The following MECR variants were observed in gnomAD, a reference collection of about 807,000 sequenced individuals.
The protein encoded by MECR is enoyl-[acyl-carrier-protein] reductase, mitochondrial.
A neutral mutation model predicts 49.1 loss-of-function variants in MECR; 37 were observed. The ratio of observed to expected loss-of-function variants is 0.75; its 90% CI spans 0.58 to 0.99. MECR has a LOEUF of 0.99. Among genes scored for constraint, MECR ranks in the 50% least tolerant of loss-of-function variants. The pLI is 0.00. For missense variants in MECR, 470 were observed against 479.6 expected (o/e 0.98, Z 0.19); for synonymous variants, 198 against 191.1 (o/e 1.04, Z -0.30).
rs116252631 is a variant in MECR at position 29,225,367 on chromosome 1, G to A, written c.176+5364C>T. On this transcript the variant is annotated intron_variant, in intron 1 of 9. Transcript: ENST00000263702. ...TTTCTCTCCTCATACACTGCTCACC[G>A]GATCTCTGGAGCACTCAGTTTACAC... Among the ~76,000 whole-genome samples, 977 of 152,060 alleles carry A rather than the reference G, an allele frequency of 6.4e-3. 5 individuals are homozygous for A. Among genetic ancestry groups the A allele is most frequent in the African/African-American group, 0.022 (918 of 41,480 alleles).
chr1:29,208,119 A>G (rs1482797770), intron 3 of MECR, among the ~76,000 whole-genome samples: 1 of 152,024 alleles, frequency 6.6e-6, no homozygotes, highest in East Asian at 1.9e-4. Context: ...CAGCCTCCCG[A>G]ATAGCTGGGA....
At chr1:29,171,773 T>C in the MECR span, 2 of 152,124 alleles carry the variant, frequency 1.3e-5, no homozygotes, top group Non-Finnish European at 2.9e-5. Context: ...TATTACCGAG[T>C]CTATATCCTG....
chr1:29,181,910 G>GCGCGCGCTTCCACTTCC, the MECR span: 1 of 491,000 alleles, frequency 2.0e-6, no homozygotes, highest in South Asian at 4.8e-5. Flanking sequence ...CAGCTCGCGA[G>GCGCGCGCTTCCACTTCC]CGCGCGCTTC....
At chr1:29,217,701 G>C (rs569404044) in intron 1 of MECR, among the ~76,000 whole-genome samples, 1 of 152,308 alleles carries the variant, frequency 6.6e-6, no homozygotes, top group African/African-American at 2.4e-5. Flanking sequence ...CTTACCAACC[G>C]GGGTATCTTG....
intron 4 of MECR, among the ~76,000 whole-genome samples, chr1:29,203,505 T>C (rs547013805): frequency 6.6e-6 from 1 of 152,366 alleles, no homozygotes; most frequent in East Asian, 1.9e-4. Context: ...ATGTAAAATA[T>C]TTTATAGCCT....
At chr1:29,203,328 C>CCCTTGCCT in intron 4 of MECR, 95 bp from the exon 5 acceptor site, 1 of 938,862 alleles carries the variant, frequency 1.1e-6, no homozygotes, top group Non-Finnish European at 1.6e-6. Flanking sequence ...GCAAGGGAGT[C>CCCTTGCCT]CTCAGGCTCA....
Position 29,230,805 on chromosome 1 carries a change from G to A in MECR, c.102C>T (p.Tyr34=). 1 of 1,607,720 alleles carries A rather than the reference G, an allele frequency of 6.2e-7. No homozygotes were observed. Among genetic ancestry groups the A allele is most frequent in the Non-Finnish European group, 8.5e-7 (1 of 1,177,964 alleles). ...CCCGGGCAGGCTCGGCGGATGCGGA[G>A]TAGGAGGAGGCGGCAGGTCCGTGAC... ...SGCHGPAASS[Y]SASAEPARVR... is the part of the protein sequence containing the mutation. Residue 34 remains tyrosine (Y), a synonymous_variant, in exon 1 of 10, where the codon TAC becomes TAT. Coordinates refer to ENST00000263702, the MANE Select transcript of MECR (RefSeq NM_016011.5).
chr1:29,219,237 A>T (rs756897748), intron 1 of MECR, among the ~76,000 whole-genome samples: 1 of 152,194 alleles, frequency 6.6e-6, no homozygotes, highest in Non-Finnish European at 1.5e-5. Context: ...GAGCAAATGG[A>T]TTTCGGACTA....
chr1:29,221,825 A>G (rs1680850678), intron 1 of MECR, among the ~76,000 whole-genome samples: 1 of 152,192 alleles, frequency 6.6e-6, no homozygotes, highest in South Asian at 2.1e-4. Flanking sequence ...TCACTGAACA[A>G]TGAAATGACA....
the MECR span, among the ~76,000 whole-genome samples, chr1:29,184,053 G>C: frequency 6.6e-6 from 1 of 150,764 alleles, no homozygotes; most frequent in Non-Finnish European, 1.5e-5. Flanking sequence ...TAATTTTTTT[G>C]TATTTTAGTA....
In MECR at chr1:29,193,266, T is replaced by G. The variant is rs2640464; in HGVS notation, c.*756A>C. On this transcript the variant is annotated 3_prime_UTR_variant, in exon 10 of 10. Coordinates refer to ENST00000263702, the MANE Select transcript of MECR (RefSeq NM_016011.5). Reference sequence around the variant, plus strand: ...GGCCTTGGGTAATTCTTTGTTGCAGTAGACTGTTCTGTGTCCTGTGGTGGG... The same window carrying G: ...GGCCTTGGGTAATTCTTTGTTGCAGGAGACTGTTCTGTGTCCTGTGGTGGG... The G allele has an allele frequency of 0.83, 154,085 of 186,268 alleles. 64,393 individuals are homozygous for G. Among genetic ancestry groups the G allele is most frequent in the Middle Eastern group, 0.89 (284 of 318 alleles). The allele number at this position is 186,268 out of a possible 1,614,324, so 11.5% of individuals were successfully genotyped here.
chr1:29,216,534 G>A (rs1679448812), intron 2 of MECR, 54 bp downstream of exon 2: 2 of 1,532,144 alleles, frequency 1.3e-6, no homozygotes, highest in South Asian at 1.1e-5. Context: ...ATGAAAATGA[G>A]GTGGCAGCTG....
At chr1:29,189,398 G>C (rs932245844), downstream of MECR, among the ~76,000 whole-genome samples, 6 of 150,062 alleles carry the variant, frequency 4.0e-5, no homozygotes, top group African/African-American at 7.4e-5. Context: ...AGATGGGTTG[G>C]GGGGGGGTCT....
chr1:29,223,140 C>A, intron 1 of MECR: 1 of 985,418 alleles, frequency 1.0e-6, no homozygotes, highest in Non-Finnish European at 1.2e-6. Context: ...TCCCCCATAC[C>A]GTTCACGTCC....
chr1:29,168,057 G>C, the MECR span, among the ~76,000 whole-genome samples: 9 of 145,554 alleles, frequency 6.2e-5, no homozygotes, highest in South Asian at 1.9e-3. Flanking sequence ...GCTCTGTCGC[G>C]CAGGCTGCAG....
the MECR span, among the ~76,000 whole-genome samples, chr1:29,174,731 T>C: frequency 6.8e-6 from 1 of 148,070 alleles, no homozygotes; most frequent in African/African-American, 2.5e-5. Context: ...TGGAGTGCAG[T>C]GGCCCGATCT....
intron 3 of MECR, 120 bp downstream of exon 3, chr1:29,215,885 A>G (rs1363549646): frequency 1.3e-5 from 16 of 1,209,890 alleles, no homozygotes; most frequent in Non-Finnish European, 1.7e-5. Flanking sequence ...ATAAATAAAT[A>G]AATAAAAAAA....
intron 7 of MECR, among the ~76,000 whole-genome samples, chr1:29,199,300 C>T (rs1447073615): frequency 1.3e-5 from 2 of 151,564 alleles, no homozygotes; most frequent in African/African-American, 4.8e-5. Flanking sequence ...CAATCTCGGC[C>T]CACCGCAAGC....
At chr1:29,190,241 G>A (rs923535740), downstream of MECR, among the ~76,000 whole-genome samples, 1 of 152,200 alleles carries the variant, frequency 6.6e-6, no homozygotes, top group African/African-American at 2.4e-5. Flanking sequence ...CAGGCGCGGT[G>A]GCAGGCGCCT....
Sources: allele counts gnomAD v4.1 joint callset (sites outside exome capture counted in the v4.1 genomes callset), GRCh38; gene constraint gnomAD v4.1.1; transcripts MANE v1.5; gene names NCBI Gene and HGNC (gene_info 2026-07-23, HGNC 2026-07-21).